The following POU6F2 variants were observed in gnomAD, a reference collection of about 807,000 sequenced individuals.
POU6F2 encodes POU domain, class 6, transcription factor 2.
In POU6F2, 31 loss-of-function variants were observed where a neutral mutation model predicts 71.3. The ratio of observed to expected loss-of-function variants is 0.43; its 90% CI spans 0.33 to 0.59. The LOEUF is 0.59. Ranked by LOEUF, POU6F2 falls within the 20% of genes least tolerant of loss-of-function variation. The probability of loss-of-function intolerance (pLI) is 0.04; values close to 1 mark genes in which losing one functional copy is unlikely to be tolerated. For missense variants in POU6F2, 783 were observed against 856.8 expected, an observed-to-expected ratio of 0.91 and a Z score of 1.07; for synonymous variants, 347 against 355.7, an observed-to-expected ratio of 0.98 and a Z score of 0.27.
At chr7:39,075,215 A>G (rs562541317) in intron 1 of POU6F2, among the ~76,000 whole-genome samples, 25 of 152,150 alleles carry the variant, frequency 1.6e-4, no homozygotes, top group Non-Finnish European at 3.2e-4. Flanking sequence ...CATCATTATA[A>G]TGTGAACAAC....
chr7:39,302,407 A>C (rs1191948397), intron 4 of POU6F2, among the ~76,000 whole-genome samples: 1 of 152,242 alleles, frequency 6.6e-6, no homozygotes, highest in Non-Finnish European at 1.5e-5. Context: ...TTTGGGTAAG[A>C]GTCATTTGAA....
chr7:39,316,998 T>C (rs1039617188), intron 4 of POU6F2, among the ~76,000 whole-genome samples: 2 of 152,206 alleles, frequency 1.3e-5, no homozygotes, highest in Non-Finnish European at 2.9e-5. Context: ...CATGGGATTG[T>C]CTCAGCCTGA....
At chr7:39,128,970 G>C (rs1792198609) in intron 2 of POU6F2, among the ~76,000 whole-genome samples, 2 of 152,164 alleles carry the variant, frequency 1.3e-5, no homozygotes, top group Non-Finnish European at 2.9e-5. Context: ...ATGCAGTTAG[G>C]ATGAAATTCA....
chr7:39,029,721 T>G (rs1446188635), intron 1 of POU6F2, among the ~76,000 whole-genome samples: 2 of 152,208 alleles, frequency 1.3e-5, no homozygotes, highest in Non-Finnish European at 2.9e-5. Flanking sequence ...TCCTAGTTTG[T>G]TGAAAATTTT....
At chr7:39,400,337 A>C (rs1384689425) in intron 5 of POU6F2, among the ~76,000 whole-genome samples, 1 of 152,256 alleles carries the variant, frequency 6.6e-6, no homozygotes, top group Admixed American at 6.5e-5. Flanking sequence ...ATTATGTCAC[A>C]AAATGATATG....
intron 9 of POU6F2, among the ~76,000 whole-genome samples, chr7:39,463,806 T>C (rs4723865): frequency 0.93 from 142,402 of 152,350 alleles, 66,648 homozygotes; most frequent in East Asian, 1. Flanking sequence ...ATGTCACTTC[T>C]TAGCGTTAAT....
At chr7:39,085,582 T>G (rs920650762) in intron 1 of POU6F2, among the ~76,000 whole-genome samples, 1 of 152,098 alleles carries the variant, frequency 6.6e-6, no homozygotes, top group Non-Finnish European at 1.5e-5. Flanking sequence ...AAGAAGTTTT[T>G]TTTTTTTTTT....
chr7:39,168,574 C>T (rs988176417), intron 2 of POU6F2, among the ~76,000 whole-genome samples: 1 of 152,138 alleles, frequency 6.6e-6, no homozygotes, highest in Admixed American at 6.6e-5. Flanking sequence ...GCCCTTTCTC[C>T]CCACCTCTGG....
At chr7:39,390,804 C>T (rs1033026593) in intron 5 of POU6F2, among the ~76,000 whole-genome samples, 2 of 151,854 alleles carry the variant, frequency 1.3e-5, no homozygotes, top group East Asian at 1.9e-4. Context: ...TGTTGGGCAA[C>T]GCAGAGTTAA....
intron 6 of POU6F2, among the ~76,000 whole-genome samples, chr7:39,429,942 A>G (rs1788059346): frequency 1.3e-5 from 2 of 152,220 alleles, no homozygotes; most frequent in Non-Finnish European, 2.9e-5. Context: ...ACAACTTCTC[A>G]TGAGTACAGA....
At chr7:39,453,705 G>T (rs1396859435) in intron 8 of POU6F2, among the ~76,000 whole-genome samples, 1 of 152,184 alleles carries the variant, frequency 6.6e-6, no homozygotes, top group Admixed American at 6.5e-5. Context: ...ATACTTTAAT[G>T]GGCCAGATAG....
rs141517461 is a variant in POU6F2, at chr7:39,105,779, G to A, written c.277+19748G>A. Reference sequence around the variant, plus strand: ...ATTAACAGAAAAAGTCATGAACTTAGTACTGAATTCTTTTCACTATTCTAA... The same window carrying A: ...ATTAACAGAAAAAGTCATGAACTTAATACTGAATTCTTTTCACTATTCTAA... On this transcript the variant is annotated intron_variant, in intron 2 of 9. Transcript: ENST00000518318. Among the ~76,000 whole-genome samples the A allele has an allele frequency of 2.2e-3, 336 of 152,294 alleles. 2 individuals carry two copies. Among genetic ancestry groups the A allele is most frequent in the African/African-American group, 7.6e-3 (314 of 41,552 alleles).
At chr7:39,271,359 A>G (rs939473704) in intron 4 of POU6F2, among the ~76,000 whole-genome samples, 2 of 152,158 alleles carry the variant, frequency 1.3e-5, no homozygotes, top group African/African-American at 4.8e-5. Context: ...AACCTTTATG[A>G]TGTGGGTGCC....
chr7:39,137,012 C>CAA (rs11344179), intron 2 of POU6F2, among the ~76,000 whole-genome samples: 23 of 82,202 alleles, frequency 2.8e-4, no homozygotes, highest in Non-Finnish European at 4.7e-4. Flanking sequence ...GAGACCCTGT[C>CAA]AAAAAAAAAA....
At chr7:39,329,536 G>C (rs1263061833) in intron 4 of POU6F2, among the ~76,000 whole-genome samples, 1 of 152,186 alleles carries the variant, frequency 6.6e-6, no homozygotes, top group Non-Finnish European at 1.5e-5. Context: ...CTTACGGAAA[G>C]TCAAAATGTT....
intron 1 of POU6F2, among the ~76,000 whole-genome samples, chr7:39,055,642 T>A (rs771908998): frequency 3.9e-5 from 6 of 152,156 alleles, no homozygotes; most frequent in Non-Finnish European, 7.4e-5. Context: ...TTGTCTAGTT[T>A]TTTTTCATTT....
At chr7:39,196,273 T>G (rs907829372) in intron 2 of POU6F2, among the ~76,000 whole-genome samples, 1 of 152,180 alleles carries the variant, frequency 6.6e-6, no homozygotes, top group Admixed American at 6.5e-5. Flanking sequence ...ACCTTGTCTC[T>G]CTATTATCAG....
chr7:39,361,360 G>A (rs1482675322), intron 5 of POU6F2, among the ~76,000 whole-genome samples: 1 of 152,192 alleles, frequency 6.6e-6, no homozygotes, highest in Non-Finnish European at 1.5e-5. Flanking sequence ...AGGAGAAGAG[G>A]CAAGGCTGTC....
intron 5 of POU6F2, among the ~76,000 whole-genome samples, chr7:39,401,427 CG>C (rs148341261): frequency 2.0e-5 from 3 of 151,936 alleles, no homozygotes; most frequent in Admixed American, 1.3e-4. Context: ...TGATGAGACC[CG>C]GGGGGAAAAT....
Sources: allele counts gnomAD v4.1 joint callset (sites outside exome capture counted in the v4.1 genomes callset), GRCh38; gene constraint gnomAD v4.1.1; transcripts MANE v1.5; gene names NCBI Gene and HGNC (gene_info 2026-07-23, HGNC 2026-07-21).